Variants in SEMA6D observed in about 807,000 individuals in gnomAD.
The protein encoded by SEMA6D is semaphorin-6D.
Under a neutral mutation model 106.6 loss-of-function variants are expected in SEMA6D, and 35 were observed. That is an observed-to-expected ratio of 0.33 (90% confidence interval 0.25 to 0.44). SEMA6D has a LOEUF of 0.44. SEMA6D is among the 20% of genes least tolerant of loss of function. The probability of loss-of-function intolerance (pLI) is 1.00; values close to 1 mark genes in which losing one functional copy is unlikely to be tolerated. For missense variants in SEMA6D, 1,185 were observed against 1,345.9 expected, an observed-to-expected ratio of 0.88 and a Z score of 1.87; for synonymous variants, 499 against 487.7, an observed-to-expected ratio of 1.02 and a Z score of -0.31.
intron 1 of SEMA6D, among the ~76,000 whole-genome samples, chr15:47,294,749 T>C (rs2035738117): frequency 1.3e-5 from 2 of 152,186 alleles, no homozygotes; most frequent in African/African-American, 2.4e-5. Flanking sequence ...TGCAGAGACC[T>C]TCATTTTTCC....
chr15:47,556,839 G>C (rs1036084524), intron 3 of SEMA6D, among the ~76,000 whole-genome samples: 1 of 152,176 alleles, frequency 6.6e-6, no homozygotes, highest in South Asian at 2.1e-4. Context: ...GTTTTTGTGT[G>C]CCTAAGTCAA....
chr15:47,760,589 C>T (rs1402558567), intron 3 of SEMA6D, among the ~76,000 whole-genome samples, 174 bp downstream of exon 3: 2 of 152,070 alleles, frequency 1.3e-5, no homozygotes, highest in Non-Finnish European at 2.9e-5. Context: ...ATACAGAGCT[C>T]AAGCTTTCAG....
At chr15:47,350,740 A>G (rs760382092) in intron 1 of SEMA6D, among the ~76,000 whole-genome samples, 1 of 152,186 alleles carries the variant, frequency 6.6e-6, no homozygotes, top group African/African-American at 2.4e-5. Flanking sequence ...GGCTTTAGCT[A>G]TTGAGCTTAA....
intron 1 of SEMA6D, among the ~76,000 whole-genome samples, chr15:47,367,270 A>T (rs1282935577): frequency 6.6e-6 from 1 of 152,004 alleles, no homozygotes; most frequent in Non-Finnish European, 1.5e-5. Context: ...TACTATTATT[A>T]TTGCAAATTT....
intron 1 of SEMA6D, among the ~76,000 whole-genome samples, chr15:47,207,989 G>GCGCA (rs1895196245): frequency 1.6e-5 from 1 of 62,254 alleles, no homozygotes; most frequent in Non-Finnish European, 3.2e-5. Context: ...CCACTGGCGC[G>GCGCA]CGCGCACACA....
At chr15:47,632,054 G>C (rs928204301) in intron 4 of SEMA6D, among the ~76,000 whole-genome samples, 1 of 151,766 alleles carries the variant, frequency 6.6e-6, no homozygotes, top group Admixed American at 6.6e-5. Flanking sequence ...GGGTTATTTA[G>C]AAGTGTGTTG....
chr15:47,620,353 C>A lies in SEMA6D; in HGVS notation c.-55+19457C>A, dbSNP rs141417215. On this transcript the variant is annotated intron_variant, in intron 4 of 19. Coordinates refer to the SEMA6D transcript ENST00000558014. ...GGGCATGTGCCCAGGCTCCTCACAC[C>A]CTCTGGAGGCAGGGGAATGAGAGTA... Among the ~76,000 whole-genome samples, 452 of 152,258 alleles carry A rather than the reference C, an allele frequency of 3.0e-3. 5 individuals are homozygous for A. The highest frequency in any genetic ancestry group is 0.01 in the African/African-American group (424 of 41,554).
In SEMA6D at chr15:47,492,789, A is replaced by G. The variant is rs181777372; in HGVS notation, c.-87+22244A>G. On this transcript the variant is annotated intron_variant, in intron 3 of 19. Transcript: ENST00000558014. ...TAACCGCTGCCCCTTAAATGGAAGCAGCACAGTATTACAATAACCTTACAA... is the reference window on the plus strand; with the variant it reads ...TAACCGCTGCCCCTTAAATGGAAGCGGCACAGTATTACAATAACCTTACAA... Among the ~76,000 whole-genome samples, 702 of 152,278 alleles carry G rather than the reference A, an allele frequency of 4.6e-3. 5 individuals are homozygous for G. The highest frequency in any genetic ancestry group is 0.016 in the African/African-American group (648 of 41,548).
intron 3 of SEMA6D, among the ~76,000 whole-genome samples, chr15:47,512,399 A>G (rs2141807129): frequency 6.6e-6 from 1 of 152,336 alleles, no homozygotes; most frequent in Admixed American, 6.5e-5. Context: ...ACACAGTTAA[A>G]CCATCAACAA....
At chr15:47,731,047 G>A (rs1264246191) in intron 1 of SEMA6D, 1 of 573,012 alleles carries the variant, frequency 1.7e-6, no homozygotes, top group Non-Finnish European at 3.1e-6. Context: ...TGTGCATGTA[G>A]CTACCTGTGA....
intron 2 of SEMA6D, among the ~76,000 whole-genome samples, chr15:47,460,798 C>T (rs1314912215): frequency 6.6e-6 from 1 of 152,090 alleles, no homozygotes. Context: ...GTAAACGTTG[C>T]TTATAAGTAA....
At chr15:47,637,961 A>T (rs1336568498) in intron 4 of SEMA6D, among the ~76,000 whole-genome samples, 1 of 152,192 alleles carries the variant, frequency 6.6e-6, no homozygotes, top group Non-Finnish European at 1.5e-5. Flanking sequence ...CCTGAGTAGA[A>T]AGGTTATGTT....
intron 3 of SEMA6D, among the ~76,000 whole-genome samples, chr15:47,550,654 G>T (rs1003177150): frequency 6.6e-6 from 1 of 152,114 alleles, no homozygotes; most frequent in Admixed American, 6.6e-5. Context: ...TCAGTTCTAT[G>T]CAGTGATGGA....
chr15:47,234,457 T>C (rs1268871874), intron 1 of SEMA6D, among the ~76,000 whole-genome samples: 1 of 151,974 alleles, frequency 6.6e-6, no homozygotes, highest in African/African-American at 2.4e-5. Context: ...GCAGGGTACA[T>C]TGTACTCAAT....
At chr15:47,642,079 T>G (rs893781259) in intron 4 of SEMA6D, among the ~76,000 whole-genome samples, 2 of 152,222 alleles carry the variant, frequency 1.3e-5, no homozygotes, top group African/African-American at 4.8e-5. Flanking sequence ...TTCCCCAGCC[T>G]TCTTAATGGA....
intron 1 of SEMA6D, among the ~76,000 whole-genome samples, chr15:47,305,855 G>A (rs1376066074): frequency 1.3e-5 from 2 of 152,188 alleles, no homozygotes; most frequent in East Asian, 3.8e-4. Flanking sequence ...TCTCATATTG[G>A]CCAGAGCCTC....
chr15:47,383,528 T>C (rs1250579350), intron 1 of SEMA6D, among the ~76,000 whole-genome samples: 3 of 152,208 alleles, frequency 2.0e-5, no homozygotes, highest in Non-Finnish European at 2.9e-5. Flanking sequence ...TATTTCCACA[T>C]GTGGCACTGC....
intron 4 of SEMA6D, among the ~76,000 whole-genome samples, chr15:47,629,974 G>A (rs191855275): frequency 1.2e-3 from 182 of 151,744 alleles, no homozygotes; most frequent in African/African-American, 3.8e-3. Context: ...GGTTAATTCC[G>A]TATCTTTGTT....
At chr15:47,277,251 C>T (rs2142390558) in intron 1 of SEMA6D, among the ~76,000 whole-genome samples, 2 of 152,208 alleles carry the variant, frequency 1.3e-5, no homozygotes, top group African/African-American at 4.8e-5. Context: ...ATACAGTTAA[C>T]AAAGCAGTGG....
Sources: allele counts gnomAD v4.1 joint callset (sites outside exome capture counted in the v4.1 genomes callset), GRCh38; gene constraint gnomAD v4.1.1; transcripts MANE v1.5; gene names NCBI Gene and HGNC (gene_info 2026-07-23, HGNC 2026-07-21).